FILIP1L: variants seen among roughly 807,000 people sequenced by gnomAD.
FILIP1L encodes filamin A-interacting protein 1-like.
FILIP1L carries 55 observed loss-of-function variants against 96.6 expected under a neutral mutation model. The ratio of observed to expected loss-of-function variants is 0.57; its 90% CI spans 0.46 to 0.71. The LOEUF (loss-of-function observed/expected upper bound fraction) is 0.71, where lower values mean the gene tolerates loss of function less well. Among genes scored for constraint, FILIP1L ranks in the 30% least tolerant of loss-of-function variants. The pLI, the probability that FILIP1L is intolerant of heterozygous loss-of-function variation, is 0.00. For synonymous variants in FILIP1L, 467 were observed against 473.9 expected (o/e 0.99, Z 0.19); for missense variants, 1,304 against 1,321.2 (o/e 0.99, Z 0.20).
At chr3:100,037,995 G>A (rs138104354) in intron 1 of FILIP1L, among the ~76,000 whole-genome samples, 15 of 137,720 alleles carry the variant, frequency 1.1e-4, no homozygotes, top group South Asian at 6.8e-4. Flanking sequence ...TCGCTCTGTC[G>A]CCCAGGTGGA....
intron 1 of FILIP1L, among the ~76,000 whole-genome samples, chr3:100,074,644 A>C (rs1185303928): frequency 1.1e-5 from 1 of 93,542 alleles, no homozygotes; most frequent in Non-Finnish European, 2.3e-5. Flanking sequence ...TGTTTCTTTT[A>C]ATCTTATTTT....
At chr3:99,997,695 A>G (rs1559719404) in intron 1 of FILIP1L, among the ~76,000 whole-genome samples, 1 of 152,232 alleles carries the variant, frequency 6.6e-6, no homozygotes, top group Non-Finnish European at 1.5e-5. Context: ...AGTGAATAAT[A>G]GAGCAGATTT....
intron 1 of FILIP1L, among the ~76,000 whole-genome samples, chr3:99,939,640 C>T (rs1707796180): frequency 6.6e-6 from 1 of 152,052 alleles, no homozygotes; most frequent in Non-Finnish European, 1.5e-5. Flanking sequence ...GATAGTGGTT[C>T]CAGTTGGAAT....
At chr3:99,972,431 C>T (rs1373186020) in intron 1 of FILIP1L, among the ~76,000 whole-genome samples, 2 of 152,200 alleles carry the variant, frequency 1.3e-5, no homozygotes, top group African/African-American at 4.8e-5. Context: ...GCATCGGAAA[C>T]GTCCCCGTCC....
chr3:99,848,920 A>G lies in FILIP1L; in HGVS notation c.2756T>C (p.Ile919Thr). The change falls in exon 5 of 6, where the codon ATC becomes ACC. Residue 919 changes from isoleucine to threonine, a missense_variant. Physicochemically the swap from Ile to Thr is moderately conservative, Grantham distance 89. Coordinates refer to ENST00000477258, the MANE Select transcript of FILIP1L (RefSeq NM_001387850.1). ...AGGACTCTCTGTGGTTGGACTTGTG[A>G]TTTCAAGAGTGGCTGTGTTTTGTAC... Reference protein sequence around the residue: ...DHVQNTATLEITSPTTESPHS... With the variant: ...DHVQNTATLETTSPTTESPHS... The G allele has an allele frequency of 6.2e-7, 1 of 1,614,078 alleles. No individual in the cohort carries two copies. The highest frequency in any genetic ancestry group is 1.7e-5 in the Admixed American group (1 of 60,004).
intron 1 of FILIP1L, among the ~76,000 whole-genome samples, chr3:99,979,345 GTA>G (rs1043818534): frequency 1.4e-4 from 22 of 152,158 alleles, no homozygotes; most frequent in African/African-American, 5.3e-4. Context: ...AAGCTTGTCT[GTA>G]TATACGGCTC....
rs143138950 is a variant in FILIP1L, at chr3:100,049,003, T to C, written c.-11+65050A>G. Among the ~76,000 whole-genome samples, 107 of 152,324 alleles carry C rather than the reference T, an allele frequency of 7.0e-4. 1 individual carries two copies. The East Asian group carries it at 0.019, about 28-fold the overall frequency. ...TTCAAACCTAATGGATTACATCTTA[T>C]ATGAATAAAAGAGTATAGCAAACAA... On this transcript the variant is annotated intron_variant, in intron 1 of 5. Coordinates refer to ENST00000477258, the MANE Select transcript of FILIP1L (RefSeq NM_001387850.1).
chr3:99,846,564 CTAAGA>C (rs1317777499), intron 5 of FILIP1L, among the ~76,000 whole-genome samples: 1 of 152,170 alleles, frequency 6.6e-6, no homozygotes, highest in Non-Finnish European at 1.5e-5. Flanking sequence ...CTGTTGATTC[CTAAGA>C]TAAATGTGTT....
At chr3:99,933,828 G>A (rs1707570113) in intron 1 of FILIP1L, among the ~76,000 whole-genome samples, 1 of 152,114 alleles carries the variant, frequency 6.6e-6, no homozygotes, top group Non-Finnish European at 1.5e-5. Flanking sequence ...CATGCATTAG[G>A]GTGACTGGCT....
intron 4 of FILIP1L, among the ~76,000 whole-genome samples, chr3:99,870,389 T>G (rs902356795): frequency 2.0e-5 from 3 of 152,240 alleles, no homozygotes; most frequent in African/African-American, 7.2e-5. Context: ...TTTATAAGCA[T>G]TCTCCCACAT....
At chr3:99,890,637 C>T (rs1706054368) in intron 4 of FILIP1L, among the ~76,000 whole-genome samples, 1 of 151,912 alleles carries the variant, frequency 6.6e-6, no homozygotes, top group Non-Finnish European at 1.5e-5. Flanking sequence ...ACAGTTGTTA[C>T]CTATTTCATT....
intron 1 of FILIP1L, among the ~76,000 whole-genome samples, chr3:100,029,490 G>T (rs986456093): frequency 1.3e-5 from 2 of 152,114 alleles, no homozygotes; most frequent in South Asian, 4.1e-4. Flanking sequence ...TTAAATAGTG[G>T]TTTTGTTTCT....
Position 99,849,143 on chromosome 3 carries a change from G to A in FILIP1L, c.2533C>T (p.Leu845=), listed in dbSNP as rs199545966. ...GTAGACTGGCTGCATTTGAAGGACA[G>A]CACAGATCCCTCATCATTAGGGTCC... is the stretch of plus-strand genomic sequence containing the variant. The part of the protein sequence containing the change: ...DEDPNDEGSV[L]SFKCSQSTPC... Residue 845 remains leucine (L), a synonymous_variant, in exon 5 of 6, where the codon CTG becomes TTG. Coordinates refer to ENST00000477258, the MANE Select transcript of FILIP1L (RefSeq NM_001387850.1). 70 of 1,614,130 alleles carry A rather than the reference G, an allele frequency of 4.3e-5. No homozygotes were observed. The Middle Eastern group carries it at 4.9e-4, about 11-fold the overall frequency.
At chr3:99,976,941 G>A (rs542384952) in intron 1 of FILIP1L, among the ~76,000 whole-genome samples, 1 of 152,310 alleles carries the variant, frequency 6.6e-6, no homozygotes, top group South Asian at 2.1e-4. Context: ...GTCTGTGAGT[G>A]AGTTTGAACT....
intron 1 of FILIP1L, among the ~76,000 whole-genome samples, chr3:100,072,686 A>G (rs1390846577): frequency 6.6e-6 from 1 of 152,218 alleles, no homozygotes; most frequent in African/African-American, 2.4e-5. Flanking sequence ...TTGCTTGAAC[A>G]CAGCTGAAAT....
intron 1 of FILIP1L, among the ~76,000 whole-genome samples, chr3:99,992,558 G>A (rs1271277901): frequency 4.6e-5 from 7 of 151,944 alleles, no homozygotes; most frequent in Admixed American, 3.9e-4. Flanking sequence ...GTAGATTCTG[G>A]TTATTAGCCC....
chr3:99,923,436 C>A (rs1707185532), intron 4 of FILIP1L, among the ~76,000 whole-genome samples: 1 of 152,190 alleles, frequency 6.6e-6, no homozygotes. Flanking sequence ...AAACTGTGCC[C>A]CATTCCCATA....
chr3:99,886,496 G>T (rs1453344224), intron 4 of FILIP1L, among the ~76,000 whole-genome samples: 1 of 152,074 alleles, frequency 6.6e-6, no homozygotes, highest in African/African-American at 2.4e-5. Flanking sequence ...AGCTGTCCTG[G>T]GTCACTTGCA....
intron 1 of FILIP1L, among the ~76,000 whole-genome samples, chr3:99,983,424 G>GTA (rs1559713470): frequency 1.5e-4 from 8 of 54,422 alleles, no homozygotes; most frequent in Non-Finnish European, 2.4e-4. Context: ...ATATATGTAT[G>GTA]TATGTATGTA....
Sources: allele counts gnomAD v4.1 joint callset (sites outside exome capture counted in the v4.1 genomes callset), GRCh38; gene constraint gnomAD v4.1.1; transcripts MANE v1.5; gene names NCBI Gene and HGNC (gene_info 2026-07-23, HGNC 2026-07-21).